The following ARMCX4 variants were observed in gnomAD, a reference collection of about 807,000 sequenced individuals.
ARMCX4 encodes the protein armadillo repeat-containing X-linked protein 4.
In ARMCX4, 3 loss-of-function variants were observed where a neutral mutation model predicts 34.7. The observed-to-expected ratio is 0.09, with a 90% CI of 0.04 to 0.22. ARMCX4 has a LOEUF of 0.22. ARMCX4 is among the 10% of genes least tolerant of loss of function. The probability of loss-of-function intolerance (pLI) is 1.00; values close to 1 mark genes in which losing one functional copy is unlikely to be tolerated. For synonymous variants in ARMCX4, 513 were observed against 632.8 expected (o/e 0.81, Z 2.84); for missense variants, 1,448 against 1,720.8 (o/e 0.84, Z 2.81).
At chrX:101,477,877 A>G in intron 4 of ARMCX4, among the ~76,000 whole-genome samples, 1 of 112,221 alleles carries the variant, frequency 8.9e-6, no homozygotes, top group Non-Finnish European at 1.9e-5. Flanking sequence ...CTATATTAAA[A>G]TCATTAAAAT....
At chrX:101,468,759 G>GTCTGCCT (rs1399990183) in intron 4 of ARMCX4, among the ~76,000 whole-genome samples, 5 of 110,485 alleles carry the variant, frequency 4.5e-5, no homozygotes, top group African/African-American at 1.3e-4. Flanking sequence ...GACTACAGGT[G>GTCTGCCT]TCTGCCACCA....
chrX:101,440,750 C>T (rs186939890), intron 2 of ARMCX4, among the ~76,000 whole-genome samples: 125 of 111,334 alleles, frequency 1.1e-3, no homozygotes, highest in African/African-American at 3.8e-3. Flanking sequence ...AGCGAGGCTC[C>T]GTGGGTGTAG....
intron 11 of ARMCX4, among the ~76,000 whole-genome samples, chrX:101,512,330 C>T (rs1234273387): frequency 9.0e-6 from 1 of 111,512 alleles, no homozygotes; most frequent in African/African-American, 3.3e-5. Flanking sequence ...GTGATTGCGC[C>T]ACTGCACTCC....
chrX:101,529,314 T>A (rs1485293420), intron 11 of ARMCX4, among the ~76,000 whole-genome samples: 2 of 111,396 alleles, frequency 1.8e-5, no homozygotes, highest in Non-Finnish European at 3.8e-5. Flanking sequence ...CTTCCTTACA[T>A]CTTATACAAA....
At chrX:101,431,874 A>G (rs557056649) in intron 2 of ARMCX4, among the ~76,000 whole-genome samples, 1 of 111,954 alleles carries the variant, frequency 8.9e-6, no homozygotes, top group East Asian at 2.8e-4. Context: ...ATATATAGTG[A>G]TTGTTTTCTT....
rs1556011515 is a variant in ARMCX4 at position 101,495,155 on chromosome X, A to G, written c.6566A>G (p.Asn2189Ser). The G allele has an allele frequency of 3.5e-6, 4 of 1,155,626 alleles. No homozygotes were observed. The highest frequency in any genetic ancestry group is 4.6e-6 in the Non-Finnish European group (4 of 872,410). Residue 2189 changes from asparagine (N) to serine (S), a missense_variant, in exon 6 of 6, where the codon AAT becomes AGT. Transcript: ENST00000423738. ...GACCATGTTTTGGGAATGCTTTTGAATTTCTCTAAAAATCCATCTATGACA... is the reference window on the plus strand; with the variant it reads ...GACCATGTTTTGGGAATGCTTTTGAGTTTCTCTAAAAATCCATCTATGACA... The part of the protein sequence containing the change: ...TKDHVLGMLL[N>S]FSKNPSMTKD...
At chrX:101,421,687 G>A (rs782061938) in intron 2 of ARMCX4, among the ~76,000 whole-genome samples, 1 of 110,616 alleles carries the variant, frequency 9.0e-6, no homozygotes, top group African/African-American at 3.3e-5. Flanking sequence ...ATCATGACAT[G>A]GCAGAAGACA....
rs1436663805 is a variant in ARMCX4, at chrX:101,492,815, C to T, written c.4226C>T (p.Ala1409Val). The T allele has an allele frequency of 2.6e-6, 3 of 1,152,411 alleles. No homozygotes were observed. In the African/African-American group the frequency reaches 5.4e-5, roughly 21 times the overall value. 95.0% of individuals were successfully genotyped at this position (1,152,411 alleles called of 1,213,427 possible). Residue 1409 changes from alanine (A) to valine (V), a missense_variant, in exon 6 of 6, where the codon GCT (alanine) becomes GTT (valine). Physicochemically the swap from Ala to Val is moderately conservative, Grantham distance 64. This residue lies in a region of ARMCX4 where 1,343 missense variants were observed against 1,540.7 expected (regional missense o/e 0.87). Coordinates refer to ENST00000423738, the MANE Select transcript of ARMCX4 (RefSeq NM_001256155.3). ...EGSWAGAGGQ[A>V]GGGSKVGPED... ...TCTTGGGCTGGGGCTGGTGGCCAGGCTGGTGGAGGGTCCAAGGTGGGGCCT... is the reference window on the plus strand; with the variant it reads ...TCTTGGGCTGGGGCTGGTGGCCAGGTTGGTGGAGGGTCCAAGGTGGGGCCT...
chrX:101,502,584 A>G (rs921543689), intron 7 of ARMCX4, among the ~76,000 whole-genome samples: 1 of 110,744 alleles, frequency 9.0e-6, no homozygotes, highest in Non-Finnish European at 1.9e-5. Context: ...GCAGGACTGG[A>G]GGGCATAAGC....
chrX:101,464,741 C>T (rs781884068), intron 4 of ARMCX4, among the ~76,000 whole-genome samples: 12 of 111,540 alleles, frequency 1.1e-4, no homozygotes, highest in Middle Eastern at 9.2e-3. Flanking sequence ...TGAAATGATG[C>T]GTATATATGG....
intron 4 of ARMCX4, among the ~76,000 whole-genome samples, chrX:101,476,918 AT>A (rs1340578519): frequency 9.0e-6 from 1 of 111,433 alleles, no homozygotes; most frequent in Non-Finnish European, 1.9e-5. Context: ...ATTTGAGAAA[AT>A]TTTTTTGGCA....
intron 2 of ARMCX4, among the ~76,000 whole-genome samples, chrX:101,430,791 G>C (rs1463192153): frequency 8.9e-6 from 1 of 112,306 alleles, no homozygotes; most frequent in Non-Finnish European, 1.9e-5. Flanking sequence ...TGTGTGAGGG[G>C]TTGTTGTTGA....
rs374127239 is a variant in ARMCX4, at chrX:101,519,837, C to G, written c.*1780+8782C>G. ...CCACATCCTCATCAACACTGGTTAT[C>G]TTTTTTTTTTGATAATAGACATTCT... is the stretch of plus-strand genomic sequence containing the variant. On this transcript the variant is annotated intron_variant and NMD_transcript_variant, in intron 11 of 12. Transcript: ENST00000354842. Among the ~76,000 whole-genome samples, 15 of 107,387 alleles carry G rather than the reference C, an allele frequency of 1.4e-4. 3 individuals carry two copies. The highest frequency in any genetic ancestry group is 1.2e-3 in the East Asian group (4 of 3,443). The allele number at this position is 107,387 out of a possible 115,157, so 93.3% of individuals were successfully genotyped here.
At chrX:101,466,325 G>T (rs1157091497) in intron 4 of ARMCX4, among the ~76,000 whole-genome samples, 1 of 111,760 alleles carries the variant, frequency 8.9e-6, no homozygotes, top group African/African-American at 3.3e-5. Flanking sequence ...CTTTGGAAAA[G>T]AGTTTTGTAT....
chrX:101,488,680 A>G lies in ARMCX4; in HGVS notation c.91A>G (p.Arg31Gly). Reference sequence around the variant, plus strand: ...CTACATTTACAAATTTACCAAGGGAAGAGCCCAGAGTGTGAGGACTCTTGC... The same window carrying G: ...CTACATTTACAAATTTACCAAGGGAGGAGCCCAGAGTGTGAGGACTCTTGC... Reference protein sequence around the residue: ...CYYIYKFTKGRAQSVRTLARN... With the variant: ...CYYIYKFTKGGAQSVRTLARN... Residue 31 changes from arginine (R) to glycine (G), a missense_variant, in exon 6 of 6, where the codon AGA becomes GGA. Arg to Gly is a moderately radical substitution (Grantham distance 125). Around this residue, in one of 2 missense-constraint regions of ARMCX4, gnomAD observed 1,343 missense variants for 1,540.7 expected, o/e 0.87. Coordinates refer to ENST00000423738, the MANE Select transcript of ARMCX4 (RefSeq NM_001256155.3). 2 of 1,156,378 alleles carry G rather than the reference A, an allele frequency of 1.7e-6. No individual in the cohort carries two copies. The highest frequency in any genetic ancestry group is 2.3e-6 in the Non-Finnish European group (2 of 873,074).
At chrX:101,486,278 A>G (rs904954913) in intron 2 of ARMCX4, among the ~76,000 whole-genome samples, 186 bp downstream of exon 2, 2 of 110,088 alleles carry the variant, frequency 1.8e-5, no homozygotes, top group African/African-American at 6.6e-5. Context: ...GAAGACAGCA[A>G]ACTTTTCTAC....
At chrX:101,482,217 G>A (rs1478917206), upstream of ARMCX4, among the ~76,000 whole-genome samples, 1 of 111,066 alleles carries the variant, frequency 9.0e-6, no homozygotes, top group Non-Finnish European at 1.9e-5. Context: ...CTGAGTGAAA[G>A]AGCAAGACTC....
intron 2 of ARMCX4, among the ~76,000 whole-genome samples, chrX:101,438,722 T>C (rs1931004734): frequency 8.9e-6 from 1 of 111,979 alleles, no homozygotes; most frequent in South Asian, 3.7e-4. Flanking sequence ...TACCATTATG[T>C]AATGGCCTTC....
exon 12 of ARMCX4, chrX:101,531,774 A>C (rs1935133302): frequency 9.0e-6 from 1 of 111,573 alleles, no homozygotes; most frequent in Admixed American, 9.5e-5. Context: ...TTTATAAGAC[A>C]CCATTCCTTA....
Sources: gnomAD v4.1 joint callset for allele counts (sites outside exome capture counted in the v4.1 genomes callset) on GRCh38, gnomAD v4.1.1 for gene constraint, gnomAD v4.1.1 regional missense constraint, MANE v1.5 for transcripts, NCBI Gene and HGNC (gene_info 2026-07-23, HGNC 2026-07-21) for gene names.